The following RPF2 variants were observed in gnomAD, a reference collection of about 807,000 sequenced individuals.
RPF2 encodes ribosome production factor 2 homolog, also known as brix domain containing 1.
A neutral mutation model predicts 38.9 loss-of-function variants in RPF2; 21 were observed. The ratio of observed to expected loss-of-function variants is 0.54; its 90% CI spans 0.38 to 0.78. RPF2 has a LOEUF of 0.78. RPF2 is among the 30% of genes least tolerant of loss of function. RPF2 has a pLI of 0.00. For synonymous variants in RPF2, 121 were observed against 126.2 expected (o/e 0.96, Z 0.28); for missense variants, 314 against 358.1 (o/e 0.88, Z 0.99).
At chr6:110,986,423 A>G (rs1771527092) in intron 2 of RPF2, among the ~76,000 whole-genome samples, 2 of 152,212 alleles carry the variant, frequency 1.3e-5, no homozygotes. Context: ...AAGAGTTGGG[A>G]ACTAGTGAAA....
At chr6:110,989,165 A>T (rs1771574085) in intron 3 of RPF2, 100 bp downstream of exon 3, 1 of 1,193,256 alleles carries the variant, frequency 8.4e-7, no homozygotes, top group Admixed American at 4.0e-5. Context: ...TTTTAAAAAG[A>T]TATTAAAATT....
chr6:111,006,848 C>A (rs1018568336), intron 6 of RPF2, among the ~76,000 whole-genome samples: 1 of 151,886 alleles, frequency 6.6e-6, no homozygotes, highest in African/African-American at 2.4e-5. Context: ...CCAAGGCGGG[C>A]AGATCACCTG....
At chr6:111,019,917 C>CTTTTTTTTTTTTTTTTTT (rs763096502) in intron 8 of RPF2, among the ~76,000 whole-genome samples, 2 of 149,028 alleles carry the variant, frequency 1.3e-5, no homozygotes, top group African/African-American at 2.5e-5. Flanking sequence ...TCTTTTCTTT[C>CTTTTTTTTTTTTTTTTTT]TTTTGTTTTT....
chr6:110,985,090 T>C lies in RPF2; in HGVS notation c.108T>C (p.Ile36=). The change falls in exon 2 of 10, where the codon ATT becomes ATC. Residue 36 remains isoleucine, a synonymous_variant. Transcript: ENST00000441448. Reference sequence around the variant, plus strand: ...AAAATATTAAAAATGCCATGCTGATTAAAGGGGGAAATGCAAATGCAACAG... The same window carrying C: ...AAAATATTAAAAATGCCATGCTGATCAAAGGGGGAAATGCAAATGCAACAG... ...LNENIKNAML[I]KGGNANATVT... 6.2e-7 allele frequency: 1 copy of C among 1,613,556 alleles called. No individual in the cohort carries two copies. The highest frequency in any genetic ancestry group is 1.7e-5 in the Admixed American group (1 of 59,972).
intron 6 of RPF2, among the ~76,000 whole-genome samples, chr6:111,006,528 T>C (rs539155992): frequency 2.0e-5 from 3 of 152,226 alleles, no homozygotes; most frequent in Admixed American, 2.0e-4. Context: ...TGAACCACTG[T>C]GCCCAGCCCA....
At chr6:111,018,262 T>C (rs1239538385) in intron 8 of RPF2, among the ~76,000 whole-genome samples, 1 of 152,098 alleles carries the variant, frequency 6.6e-6, no homozygotes, top group Non-Finnish European at 1.5e-5. Context: ...GTTCTTGAGA[T>C]AAGTGTGTGA....
At chr6:110,997,045 A>G (rs1167122508) in intron 4 of RPF2, 138 bp from the exon 5 acceptor site, 4 of 629,064 alleles carry the variant, frequency 6.4e-6, no homozygotes, top group Non-Finnish European at 1.1e-5. Flanking sequence ...CAAGTAATCA[A>G]CTCGCCTCGG....
chr6:110,999,895 G>T, intron 6 of RPF2, 108 bp downstream of exon 6: 1 of 616,834 alleles, frequency 1.6e-6, no homozygotes, highest in Non-Finnish European at 2.9e-6. Context: ...AGAACTTTGT[G>T]TTTTTATTTT....
chr6:111,025,551 A>G lies in RPF2; in HGVS notation c.890A>G (p.Glu297Gly). Residue 297 changes from glutamate to glycine, a missense_variant, in exon 10 of 10, where the codon GAG (glutamate) becomes GGG (glycine). Glu to Gly is a moderately conservative substitution (Grantham distance 98). Transcript: ENST00000441448. ...RPAERITEDH[E>G]KKSKRIKKN ...GCAGAAAGGATAACAGAAGACCACG[A>G]GAAAAAGTCAAAAAGAATTAAAAAA... 6.2e-7 allele frequency: 1 copy of G among 1,608,046 alleles called. No individual in the cohort carries two copies. Among genetic ancestry groups the G allele is most frequent in the South Asian group, 1.1e-5 (1 of 88,950 alleles).
At chr6:110,988,000 A>T (rs558858370) in intron 2 of RPF2, among the ~76,000 whole-genome samples, 33 of 152,168 alleles carry the variant, frequency 2.2e-4, no homozygotes, top group African/African-American at 4.1e-4. Flanking sequence ...AATTAAATTT[A>T]AAAAAATAAT....
chr6:111,025,335 C>T (rs1772304611), intron 9 of RPF2, 68 bp from the exon 10 acceptor site: 1 of 1,084,668 alleles, frequency 9.2e-7, no homozygotes. Context: ...ATAGTTGTTA[C>T]AGACTAGATT....
chr6:111,012,176 TTC>T (rs1326268075), intron 7 of RPF2, among the ~76,000 whole-genome samples: 45 of 150,556 alleles, frequency 3.0e-4, no homozygotes, highest in Non-Finnish European at 7.4e-5. Context: ...TTTTTTTTTT[TTC>T]TTTTTTTGAG....
intron 4 of RPF2, among the ~76,000 whole-genome samples, chr6:110,996,277 C>G (rs1771709787): frequency 6.6e-6 from 1 of 152,086 alleles, no homozygotes; most frequent in South Asian, 2.1e-4. Flanking sequence ...CTCCCAAGTT[C>G]AAGGAATTCT....
chr6:110,989,650 G>A (rs576388366), intron 3 of RPF2, among the ~76,000 whole-genome samples: 2 of 141,670 alleles, frequency 1.4e-5, no homozygotes, highest in East Asian at 4.2e-4. Flanking sequence ...TTTTTGAGAC[G>A]GAGTCTAGCT....
chr6:111,001,379 G>GT (rs891142266), intron 6 of RPF2, among the ~76,000 whole-genome samples: 97 of 147,924 alleles, frequency 6.6e-4, no homozygotes, highest in South Asian at 1.7e-3. Flanking sequence ...TTTTCTTTCT[G>GT]TTTTTTTTTT....
intron 5 of RPF2, among the ~76,000 whole-genome samples, chr6:110,997,609 C>T (rs933838307): frequency 1.3e-5 from 2 of 151,818 alleles, no homozygotes; most frequent in African/African-American, 2.4e-5. Context: ...GGTGTAGTGG[C>T]GCGTGCCTGT....
intron 9 of RPF2, 89 bp from the exon 10 acceptor site, chr6:111,025,314 T>C: frequency 1.2e-6 from 1 of 837,716 alleles, no homozygotes; most frequent in Non-Finnish European, 1.9e-6. Flanking sequence ...CTAATGGAAA[T>C]TGCTACTAAG....
At chr6:110,995,318 A>G (rs916200881) in intron 4 of RPF2, among the ~76,000 whole-genome samples, 5 of 152,182 alleles carry the variant, frequency 3.3e-5, no homozygotes, top group African/African-American at 9.7e-5. Context: ...AGGAGGTGGT[A>G]TTATCCCTAT....
At chr6:111,000,877 G>C (rs970105189) in intron 6 of RPF2, among the ~76,000 whole-genome samples, 1 of 151,890 alleles carries the variant, frequency 6.6e-6, no homozygotes, top group Non-Finnish European at 1.5e-5. Context: ...GATGTTGTTG[G>C]TAATAGAAGG....
Sources: allele counts gnomAD v4.1 joint callset (sites outside exome capture counted in the v4.1 genomes callset), GRCh38; gene constraint gnomAD v4.1.1; transcripts MANE v1.5; gene names NCBI Gene and HGNC (gene_info 2026-07-23, HGNC 2026-07-21).